LGR4: variants seen among roughly 807,000 people sequenced by gnomAD.
LGR4 encodes leucine rich repeat containing G protein-coupled receptor 4.
Under a neutral mutation model 84.8 loss-of-function variants are expected in LGR4, and 44 were observed. That is an observed-to-expected ratio of 0.52 (90% CI 0.41 to 0.67). The LOEUF is 0.67. Among genes scored for constraint, LGR4 ranks in the 30% least tolerant of loss-of-function variants. LGR4 has a pLI of 0.00. For missense variants in LGR4, 1,032 were observed against 1,131.4 expected, an observed-to-expected ratio of 0.91 and a Z score of 1.26; for synonymous variants, 429 against 434.3, an observed-to-expected ratio of 0.99 and a Z score of 0.15.
intron 2 of LGR4, among the ~76,000 whole-genome samples, chr11:27,398,830 C>T (rs1307907246): frequency 1.3e-5 from 2 of 152,122 alleles, no homozygotes; most frequent in Non-Finnish European, 2.9e-5. Context: ...AAAAGTACTT[C>T]GAGCACCACC....
rs1378907436 is a variant in LGR4 at position 27,366,612 on chromosome 11, A to G, written c.*1255T>C. 1.3e-5 allele frequency: 2 copies of G among 152,708 alleles called. No individual in the cohort carries two copies. The highest frequency in any genetic ancestry group is 3.9e-4 in the East Asian group (2 of 5,186). The allele number at this position is 152,708 out of a possible 1,614,324, so 9.5% of individuals were successfully genotyped here. A position where few individuals can be genotyped will look rare whatever the true frequency, so the allele number is the denominator to read the frequency against. ...TGTTCAAAAAACATATTGAACAATT[A>G]TAACTTTAAGACTCCACCCAGTAAT... On this transcript the variant is annotated 3_prime_UTR_variant, in exon 18 of 18. Coordinates refer to ENST00000379214, the MANE Select transcript of LGR4 (RefSeq NM_018490.5).
intron 1 of LGR4, among the ~76,000 whole-genome samples, chr11:27,416,121 T>C (rs1234887483): frequency 6.6e-6 from 1 of 152,146 alleles, no homozygotes; most frequent in East Asian, 1.9e-4. Context: ...GCATCAGTAA[T>C]AAATCGCAGG....
intron 3 of LGR4, among the ~76,000 whole-genome samples, 175 bp from the exon 4 acceptor site, chr11:27,391,340 G>T (rs1863282430): frequency 6.7e-6 from 1 of 150,374 alleles, no homozygotes. Context: ...AGAAGCACTT[G>T]TTGTAAAGCC....
intron 3 of LGR4, among the ~76,000 whole-genome samples, chr11:27,391,783 G>A (rs571438615): frequency 6.6e-6 from 1 of 152,204 alleles, no homozygotes; most frequent in South Asian, 2.1e-4. Flanking sequence ...TTTGCCTGAA[G>A]CCATTCCTGT....
chr11:27,386,196 A>G (rs1334583996), intron 4 of LGR4, among the ~76,000 whole-genome samples: 2 of 152,232 alleles, frequency 1.3e-5, no homozygotes, highest in African/African-American at 4.8e-5. Context: ...TTTTTCCAAA[A>G]ATTTTGGAAT....
Position 27,368,203 on chromosome 11 carries a change from A to G in LGR4, c.2520T>C (p.Asp840=). ...AGTACATGCCACAGTCGTAGTAGAA[A>G]TCCTGTTCCAGACAACCACCTTGGC... ...ISSQGGCLEQ[D]FYYDCGMYSH... is the part of the protein sequence containing the mutation. Residue 840 remains aspartate (D), a synonymous_variant, in exon 18 of 18, where the codon GAT becomes GAC. Coordinates refer to ENST00000379214, the MANE Select transcript of LGR4 (RefSeq NM_018490.5). 1 of 1,614,242 alleles carries G rather than the reference A, an allele frequency of 6.2e-7. No homozygotes were observed. Among genetic ancestry groups the G allele is most frequent in the South Asian group, 1.1e-5 (1 of 91,086 alleles).
At chr11:27,470,272 G>A (rs988015550) in intron 1 of LGR4, among the ~76,000 whole-genome samples, 3 of 152,160 alleles carry the variant, frequency 2.0e-5, no homozygotes, top group African/African-American at 4.8e-5. Flanking sequence ...CACCTTCAGT[G>A]AGTTCTACCA....
intron 1 of LGR4, among the ~76,000 whole-genome samples, chr11:27,415,040 T>G (rs1863789722): frequency 6.6e-6 from 1 of 152,198 alleles, no homozygotes; most frequent in African/African-American, 2.4e-5. Flanking sequence ...CCTCTGTCAT[T>G]ATTAAATTAC....
At chr11:27,418,185 A>G (rs1174753036) in intron 1 of LGR4, among the ~76,000 whole-genome samples, 1 of 152,188 alleles carries the variant, frequency 6.6e-6, no homozygotes, top group Non-Finnish European at 1.5e-5. Flanking sequence ...TTAACTTGCT[A>G]TTACTGTTTA....
intron 1 of LGR4, among the ~76,000 whole-genome samples, chr11:27,423,952 C>G (rs900688150): frequency 1.3e-5 from 2 of 152,138 alleles, no homozygotes; most frequent in African/African-American, 4.8e-5. Flanking sequence ...TACACACACC[C>G]AGACACAAAC....
chr11:27,443,418 C>G (rs955923661), intron 1 of LGR4, among the ~76,000 whole-genome samples: 1 of 152,176 alleles, frequency 6.6e-6, no homozygotes, highest in Non-Finnish European at 1.5e-5. Flanking sequence ...ACCTAAGTAG[C>G]CTGTATATCA....
chr11:27,446,334 T>G (rs1438377457), intron 1 of LGR4, among the ~76,000 whole-genome samples: 1 of 152,186 alleles, frequency 6.6e-6, no homozygotes, highest in African/African-American at 2.4e-5. Context: ...TTGCTTTTGG[T>G]GTTTTAGTCA....
intron 1 of LGR4, among the ~76,000 whole-genome samples, chr11:27,433,308 G>A (rs1366214050): frequency 6.6e-6 from 1 of 152,122 alleles, no homozygotes; most frequent in East Asian, 1.9e-4. Context: ...CGCCTCCCGG[G>A]TTCTCGCCAT....
chr11:27,385,182 C>T (rs1488798869), intron 5 of LGR4, 71 bp downstream of exon 5: 1 of 1,109,848 alleles, frequency 9.0e-7, no homozygotes, highest in Non-Finnish European at 1.3e-6. Flanking sequence ...TGATAATAAT[C>T]TGTCAGAAGA....
intron 2 of LGR4, among the ~76,000 whole-genome samples, chr11:27,399,968 G>A (rs993314533): frequency 1.3e-5 from 2 of 152,124 alleles, no homozygotes; most frequent in African/African-American, 4.8e-5. Context: ...CCATGTAGGG[G>A]CATTTGGTAT....
intron 2 of LGR4, among the ~76,000 whole-genome samples, chr11:27,404,793 T>C (rs997037529): frequency 8.6e-6 from 1 of 115,658 alleles, no homozygotes; most frequent in Non-Finnish European, 1.6e-5. Context: ...GAAAGGTGTA[T>C]TTCCCCACTC....
At chr11:27,455,367 A>G (rs1462892193) in intron 1 of LGR4, among the ~76,000 whole-genome samples, 2 of 152,202 alleles carry the variant, frequency 1.3e-5, no homozygotes, top group Admixed American at 6.5e-5. Context: ...GTACACAAAG[A>G]AGGGAGGAAA....
chr11:27,416,062 T>C (rs943483662), intron 1 of LGR4, among the ~76,000 whole-genome samples: 4 of 152,188 alleles, frequency 2.6e-5, no homozygotes, highest in African/African-American at 9.6e-5. Context: ...AAGATGCTCC[T>C]ACAGATTAGT....
intron 1 of LGR4, among the ~76,000 whole-genome samples, chr11:27,433,176 T>C (rs1222936514): frequency 6.6e-6 from 1 of 152,198 alleles, no homozygotes; most frequent in East Asian, 1.9e-4. Flanking sequence ...TAAGGAACAC[T>C]ACCCTAGATC....
Sources: gnomAD v4.1 joint callset for allele counts (sites outside exome capture counted in the v4.1 genomes callset) on GRCh38, gnomAD v4.1.1 for gene constraint, MANE v1.5 for transcripts, NCBI Gene and HGNC (gene_info 2026-07-23, HGNC 2026-07-21) for gene names.